Variants in MIER1 observed in about 807,000 individuals in gnomAD.
The protein encoded by MIER1 is mesoderm induction early response protein 1.
In MIER1, 40 loss-of-function variants were observed where a neutral mutation model predicts 75.7. The ratio of observed to expected loss-of-function variants is 0.53; its 90% CI spans 0.41 to 0.69. MIER1 has a LOEUF of 0.69. Ranked by LOEUF, MIER1 falls within the 30% of genes least tolerant of loss-of-function variation. The pLI, the probability that MIER1 is intolerant of heterozygous loss-of-function variation, is 0.00. For synonymous variants in MIER1, 213 were observed against 223.4 expected (o/e 0.95, Z 0.42); for missense variants, 574 against 680.2 (o/e 0.84, Z 1.74).
intron 2 of MIER1, among the ~76,000 whole-genome samples, chr1:66,931,256 A>G (rs1653287805): frequency 2.0e-5 from 3 of 152,210 alleles, no homozygotes; most frequent in African/African-American, 7.2e-5. Context: ...ATTAATCGGA[A>G]CTAAGTATAC....
intron 8 of MIER1, among the ~76,000 whole-genome samples, chr1:66,969,545 CAAAAAAAAAAAA>C (rs35924256): frequency 4.6e-4 from 29 of 63,538 alleles, no homozygotes; most frequent in Middle Eastern, 0.011. Flanking sequence ...ACTTCGTCTC[CAAAAAAAAAAAA>C]AAAAAAAAAA....
At chr1:66,958,691 T>C (rs368449267) in intron 5 of MIER1, among the ~76,000 whole-genome samples, 160 bp from the exon 6 acceptor site, 2 of 151,612 alleles carry the variant, frequency 1.3e-5, no homozygotes, top group African/African-American at 2.4e-5. Context: ...TCTGCTAATG[T>C]ACTTTTTCCT....
chr1:66,970,290 TTTAC>T, intron 8 of MIER1, among the ~76,000 whole-genome samples: 1 of 152,172 alleles, frequency 6.6e-6, no homozygotes, highest in East Asian at 1.9e-4. Flanking sequence ...TAAAGTAAAA[TTTAC>T]TTCAAATCCC....
chr1:66,965,401 TTTATA>T (rs1277058980), intron 8 of MIER1, among the ~76,000 whole-genome samples: 1 of 151,822 alleles, frequency 6.6e-6, no homozygotes, highest in Non-Finnish European at 1.5e-5. Flanking sequence ...ATATTATAAA[TTTATA>T]TTATAGTTGA....
intron 8 of MIER1, 55 bp downstream of exon 8, chr1:66,963,215 G>A (rs1050390841): frequency 7.3e-6 from 8 of 1,088,626 alleles, no homozygotes; most frequent in Non-Finnish European, 1.1e-5. Flanking sequence ...GTAATGAACT[G>A]TTACTTTATA....
At chr1:66,930,923 C>T (rs1180477700) in intron 2 of MIER1, among the ~76,000 whole-genome samples, 2 of 152,112 alleles carry the variant, frequency 1.3e-5, no homozygotes, top group South Asian at 2.1e-4. Flanking sequence ...ATAAATTAAT[C>T]TGGCCAGCCG....
At chr1:66,969,545 CAAAAAAAAA>C (rs35924256) in intron 8 of MIER1, among the ~76,000 whole-genome samples, 67 of 63,542 alleles carry the variant, frequency 1.1e-3, no homozygotes, top group East Asian at 1.9e-3. Context: ...ACTTCGTCTC[CAAAAAAAAA>C]AAAAAAAAAA....
At chr1:66,941,557 C>G (rs190915322) in intron 3 of MIER1, among the ~76,000 whole-genome samples, 1 of 152,200 alleles carries the variant, frequency 6.6e-6, no homozygotes, top group East Asian at 1.9e-4. Context: ...AGGCATTCAT[C>G]TGATAGTACA....
chr1:66,930,329 C>T, intron 2 of MIER1: 1 of 1,597,794 alleles, frequency 6.3e-7, no homozygotes, highest in South Asian at 1.1e-5. Flanking sequence ...AGTCTCACAT[C>T]CGGGTTCTGG....
chr1:66,985,275 T>C lies in MIER1; in HGVS notation c.*375T>C. The C allele has an allele frequency of 1.0e-6, 1 of 982,518 alleles. No individual in the cohort carries two copies. 60.9% of individuals were successfully genotyped at this position (982,518 alleles called of 1,614,324 possible). A position where few individuals can be genotyped will look rare whatever the true frequency, so the allele number is the denominator to read the frequency against. On this transcript the variant is annotated 3_prime_UTR_variant, in exon 14 of 14. Coordinates refer to ENST00000401041, the MANE Select transcript of MIER1 (RefSeq NM_001077700.3). ...AATTTCACTACAAGGTAATTTTTGCTTAGTTTGATGGATGAATGGGAAACT... is the reference window on the plus strand; with the variant it reads ...AATTTCACTACAAGGTAATTTTTGCCTAGTTTGATGGATGAATGGGAAACT...
chr1:66,935,655 T>A (rs1654612063), intron 2 of MIER1, among the ~76,000 whole-genome samples: 4 of 152,124 alleles, frequency 2.6e-5, no homozygotes, highest in Non-Finnish European at 5.9e-5. Flanking sequence ...AGGTATTAAA[T>A]GAAAAAAGCC....
intron 4 of MIER1, among the ~76,000 whole-genome samples, chr1:66,949,428 A>T (rs1658410789): frequency 6.6e-6 from 1 of 152,120 alleles, no homozygotes; most frequent in African/African-American, 2.4e-5. Flanking sequence ...CTTTCAAGTG[A>T]CCCTGCCTTA....
At chr1:66,968,298 C>T (rs530362207) in intron 8 of MIER1, among the ~76,000 whole-genome samples, 2 of 152,214 alleles carry the variant, frequency 1.3e-5, no homozygotes, top group East Asian at 1.9e-4. Flanking sequence ...ATACCCTATA[C>T]CATAAACCAA....
At chr1:66,977,464 A>C (rs766617524) in intron 12 of MIER1, among the ~76,000 whole-genome samples, 1 of 152,114 alleles carries the variant, frequency 6.6e-6, no homozygotes, top group African/African-American at 2.4e-5. Flanking sequence ...TCCTTTTCCT[A>C]GCTTTCCTGA....
chr1:66,946,893 T>G (rs1402312361), intron 4 of MIER1: 4 of 985,156 alleles, frequency 4.1e-6, no homozygotes, highest in African/African-American at 1.7e-5. Flanking sequence ...TCTGGTTTTC[T>G]TTATCTTTTT....
At chr1:66,952,846 T>C (rs1458382377) in intron 4 of MIER1, among the ~76,000 whole-genome samples, 1 of 152,174 alleles carries the variant, frequency 6.6e-6, no homozygotes, top group Non-Finnish European at 1.5e-5. Flanking sequence ...TGTTTCGCCA[T>C]GTTGCCCAGG....
Position 66,985,787 on chromosome 1 carries a change from G to A in MIER1, c.*887G>A. The stretch of plus-strand genomic sequence containing the variant: ...TTAAGTCATATTTCTTATCCAGGTG[G>A]TTAAAGCATTCATAAAGGATTATAA... On this transcript the variant is annotated 3_prime_UTR_variant, in exon 14 of 14. Coordinates refer to ENST00000401041, the MANE Select transcript of MIER1 (RefSeq NM_001077700.3). 7.8e-6 allele frequency: 7 copies of A among 894,350 alleles called. No individual in the cohort carries two copies. The highest frequency in any genetic ancestry group is 9.3e-6 in the Non-Finnish European group (7 of 750,216). 55.4% of individuals were successfully genotyped at this position (894,350 alleles called of 1,614,324 possible). A position where few individuals can be genotyped will look rare whatever the true frequency, so the allele number is the denominator to read the frequency against.
chr1:66,930,311 C>G (rs1432948786), intron 2 of MIER1: 9 of 1,585,002 alleles, frequency 5.7e-6, no homozygotes, highest in African/African-American at 5.6e-5. Context: ...GCCGGAGTCC[C>G]GTTGCTGAGT....
intron 2 of MIER1, among the ~76,000 whole-genome samples, chr1:66,930,976 A>G (rs894080019): frequency 6.6e-6 from 1 of 152,124 alleles, no homozygotes; most frequent in African/African-American, 2.4e-5. Context: ...CCATTTATCC[A>G]GACAGTTCCA....
Sources: allele counts gnomAD v4.1 joint callset (sites outside exome capture counted in the v4.1 genomes callset), GRCh38; gene constraint gnomAD v4.1.1; transcripts MANE v1.5; gene names NCBI Gene and HGNC (gene_info 2026-07-23, HGNC 2026-07-21).